CLSTN2: variants seen among roughly 807,000 people sequenced by gnomAD.
The protein encoded by CLSTN2 is calsyntenin-2.
CLSTN2 carries 48 observed loss-of-function variants against 101.2 expected under a neutral mutation model. The observed-to-expected ratio is 0.47, with a 90% CI of 0.38 to 0.60. The LOEUF is 0.60. Among genes scored for constraint, CLSTN2 ranks in the 20% least tolerant of loss-of-function variants. CLSTN2 has a pLI of 0.00. For missense variants in CLSTN2, 1,160 were observed against 1,238.2 expected (o/e 0.94, Z 0.95); for synonymous variants, 481 against 463.6 (o/e 1.04, Z -0.48).
intron 2 of CLSTN2, among the ~76,000 whole-genome samples, chr3:140,338,696 G>A (rs1282973041): frequency 6.6e-6 from 1 of 152,146 alleles, no homozygotes; most frequent in African/African-American, 2.4e-5. Context: ...TACTGCATGG[G>A]CCTGGTCACT....
At chr3:140,424,983 G>A (rs1272483508) in intron 5 of CLSTN2, among the ~76,000 whole-genome samples, 2 of 152,268 alleles carry the variant, frequency 1.3e-5, no homozygotes, top group South Asian at 2.1e-4. Context: ...TTTGCCAGAC[G>A]TAATTCCACT....
intron 11 of CLSTN2, 35 bp from the exon 12 acceptor site, chr3:140,558,605 G>T: frequency 6.4e-7 from 1 of 1,557,824 alleles, no homozygotes; most frequent in Non-Finnish European, 8.8e-7. Flanking sequence ...TTAATTGTTT[G>T]CTCATCAGTG....
intron 1 of CLSTN2, among the ~76,000 whole-genome samples, chr3:140,059,941 CCGATCTGGGGAGGAA>C (rs1560082670): frequency 1.3e-5 from 2 of 152,164 alleles, no homozygotes; most frequent in Non-Finnish European, 2.9e-5. Flanking sequence ...TCCTAATACA[CCGATCTGGGGAGGAA>C]CTGGCATAAT....
At chr3:140,045,294 C>T (rs2007851859) in intron 1 of CLSTN2, among the ~76,000 whole-genome samples, 1 of 152,130 alleles carries the variant, frequency 6.6e-6, no homozygotes, top group Admixed American at 6.5e-5. Flanking sequence ...TCCATTCCTT[C>T]TAGATTTTCT....
At chr3:140,006,154 G>A (rs1460567037) in intron 1 of CLSTN2, among the ~76,000 whole-genome samples, 1 of 152,144 alleles carries the variant, frequency 6.6e-6, no homozygotes, top group Non-Finnish European at 1.5e-5. Flanking sequence ...GTTTCCATGG[G>A]TCCCACGGTG....
chr3:140,354,646 G>T (rs1459573352), intron 2 of CLSTN2, among the ~76,000 whole-genome samples: 2 of 152,148 alleles, frequency 1.3e-5, no homozygotes, highest in African/African-American at 4.8e-5. Flanking sequence ...GTAGCCACAG[G>T]CATGTCTGGA....
chr3:140,186,724 A>C (rs2010489680), intron 2 of CLSTN2, among the ~76,000 whole-genome samples: 1 of 152,138 alleles, frequency 6.6e-6, no homozygotes, highest in Non-Finnish European at 1.5e-5. Context: ...CAAACTTTAA[A>C]AATTATTATT....
chr3:140,324,411 A>G (rs1290939356), intron 2 of CLSTN2, among the ~76,000 whole-genome samples: 1 of 152,234 alleles, frequency 6.6e-6, no homozygotes, highest in Non-Finnish European at 1.5e-5. Flanking sequence ...TAAGTGGGTA[A>G]TATAAAGGAT....
At chr3:140,181,828 G>A (rs1268089930) in intron 2 of CLSTN2, among the ~76,000 whole-genome samples, 1 of 152,164 alleles carries the variant, frequency 6.6e-6, no homozygotes, top group Admixed American at 6.5e-5. Context: ...TTCAAATACT[G>A]TTCAAGCTTA....
At chr3:140,247,756 T>G (rs1217670110) in intron 2 of CLSTN2, among the ~76,000 whole-genome samples, 1 of 152,098 alleles carries the variant, frequency 6.6e-6, no homozygotes, top group Admixed American at 6.6e-5. Flanking sequence ...TCACAGTCCC[T>G]CCTAGAGAAA....
chr3:140,088,351 T>C (rs951514908), intron 1 of CLSTN2, among the ~76,000 whole-genome samples: 1 of 152,210 alleles, frequency 6.6e-6, no homozygotes, highest in African/African-American at 2.4e-5. Context: ...CAGGGTCTCC[T>C]TCATTCTTGT....
intron 2 of CLSTN2, among the ~76,000 whole-genome samples, chr3:140,179,276 T>A (rs1351432845): frequency 2.6e-5 from 4 of 151,810 alleles, no homozygotes; most frequent in Admixed American, 2.0e-4. Flanking sequence ...AAGGCTCTTT[T>A]AACATTTTAG....
intron 2 of CLSTN2, among the ~76,000 whole-genome samples, chr3:140,190,798 T>C (rs900234124): frequency 1.3e-5 from 2 of 152,158 alleles, no homozygotes; most frequent in African/African-American, 4.8e-5. Context: ...CTGAATTTAA[T>C]AGTTCTAGAT....
intron 2 of CLSTN2, among the ~76,000 whole-genome samples, chr3:140,188,641 G>A (rs9810392): frequency 0.22 from 33,119 of 152,070 alleles, 3,883 homozygotes; most frequent in Non-Finnish European, 0.26. Context: ...AGGAGACAGA[G>A]CAAGGAAAGA....
intron 2 of CLSTN2, among the ~76,000 whole-genome samples, chr3:140,363,705 G>C (rs1239772968): frequency 6.6e-6 from 1 of 152,180 alleles, no homozygotes; most frequent in Non-Finnish European, 1.5e-5. Context: ...TGGTGAAAAT[G>C]TGGAGGACCC....
intron 1 of CLSTN2, among the ~76,000 whole-genome samples, chr3:140,164,728 C>T (rs374282230): frequency 6.6e-6 from 1 of 152,178 alleles, no homozygotes; most frequent in Non-Finnish European, 1.5e-5. Context: ...TTTTTCCTAG[C>T]CTTGCTCTTG....
At chr3:140,017,833 G>A (rs966605676) in intron 1 of CLSTN2, among the ~76,000 whole-genome samples, 1 of 152,258 alleles carries the variant, frequency 6.6e-6, no homozygotes, top group Admixed American at 6.5e-5. Flanking sequence ...CTGCAAATGT[G>A]TAGGCCAGTG....
chr3:140,159,605 G>A (rs956995404), intron 1 of CLSTN2, among the ~76,000 whole-genome samples: 2 of 152,116 alleles, frequency 1.3e-5, no homozygotes, highest in African/African-American at 2.4e-5. Context: ...AAGCAGTTTA[G>A]AGATTTCTCA....
At chr3:140,470,792 T>G (rs1474850302) in intron 8 of CLSTN2, among the ~76,000 whole-genome samples, 2 of 152,186 alleles carry the variant, frequency 1.3e-5, no homozygotes, top group Non-Finnish European at 2.9e-5. Flanking sequence ...GGCCATTGAA[T>G]GGAGCCGGTG....
Sources: gnomAD v4.1 joint callset for allele counts (sites outside exome capture counted in the v4.1 genomes callset) on GRCh38, gnomAD v4.1.1 for gene constraint, MANE v1.5 for transcripts, NCBI Gene and HGNC (gene_info 2026-07-23, HGNC 2026-07-21) for gene names.